The following USP11 variants were observed in gnomAD, a reference collection of about 807,000 sequenced individuals.
USP11 encodes ubiquitin carboxyl-terminal hydrolase 11.
In USP11, 5 loss-of-function variants were observed where a neutral mutation model predicts 72.8. The ratio of observed to expected loss-of-function variants is 0.07; its 90% CI spans 0.04 to 0.14. USP11 has a LOEUF of 0.14. USP11 is among the 10% of genes least tolerant of loss of function. USP11 has a pLI of 1.00. For synonymous variants in USP11, 368 were observed against 326.5 expected, an observed-to-expected ratio of 1.13 and a Z score of -1.37; for missense variants, 480 against 794.7, an observed-to-expected ratio of 0.60 and a Z score of 4.76.
At chrX:47,238,544 T>C (rs925617019) in intron 1 of USP11, among the ~76,000 whole-genome samples, 1 of 105,104 alleles carries the variant, frequency 9.5e-6, no homozygotes, top group African/African-American at 3.5e-5. Flanking sequence ...AACCTTATGA[T>C]TCTTTTTAGC....
intron 1 of USP11, among the ~76,000 whole-genome samples, chrX:47,235,801 G>C (rs1294404497): frequency 1.8e-5 from 2 of 111,297 alleles, no homozygotes; most frequent in Non-Finnish European, 3.8e-5. Context: ...AACCCAAGCC[G>C]TGTTTTTCTG....
rs1169513843 is a variant in USP11, at chrX:47,233,054, T to G, written c.11T>G (p.Val4Gly). ...AGAGAACGGACGGCGATGGCGACGG[T>G]CGCAGCAAATCCAGCTGCTGCTGCG... The part of the protein sequence containing the change: MAT[V>G]AANPAAAAAA... The change falls in exon 1 of 21, where the codon GTC (valine) becomes GGC (glycine). Residue 4 changes from valine (V) to glycine (G), a missense_variant. Val to Gly is a moderately radical substitution (Grantham distance 109, BLOSUM62 -3). Transcript: ENST00000377107. 8.3e-7 allele frequency: 1 copy of G among 1,208,613 alleles called. No individual in the cohort carries two copies. The highest frequency in any genetic ancestry group is 3.0e-5 in the East Asian group (1 of 33,773).
rs2055437083 is a variant in USP11, at chrX:47,246,987, C to G, written c.2271-85C>G. 2.7e-6 allele frequency: 3 copies of G among 1,097,151 alleles called. No individual in the cohort carries two copies. In the African/African-American group the frequency reaches 5.7e-5, roughly 21 times the overall value. The allele number at this position is 1,097,151 out of a possible 1,213,427, so 90.4% of individuals were successfully genotyped here. A position where few individuals can be genotyped will look rare whatever the true frequency, so the allele number is the denominator to read the frequency against. Reference sequence around the variant, plus strand: ...AGTGATCCGAGATCGCGCCACTGTACTCCAGCCTGGGCAACAGAGCGATTC... The same window carrying G: ...AGTGATCCGAGATCGCGCCACTGTAGTCCAGCCTGGGCAACAGAGCGATTC... On this transcript the variant is annotated intron_variant, in intron 17 of 20. Coordinates refer to ENST00000377107, the MANE Select transcript of USP11 (RefSeq NM_001371072.1).
rs1374983749 is a variant in USP11, at chrX:47,248,072, G to C, written c.*142G>C. 4 of 892,834 alleles carry C rather than the reference G, an allele frequency of 4.5e-6. No homozygotes were observed. The highest frequency in any genetic ancestry group is 6.0e-6 in the Non-Finnish European group (4 of 663,811). The allele number at this position is 892,834 out of a possible 1,213,427, so 73.6% of individuals were successfully genotyped here. On this transcript the variant is annotated 3_prime_UTR_variant, in exon 21 of 21. Transcript: ENST00000377107. Reference sequence around the variant, plus strand: ...TTAGTCGTGGCTACTGTTCTCCTGTGCCGCTGCATCGCTCTCTCCCGGGAA... The same window carrying C: ...TTAGTCGTGGCTACTGTTCTCCTGTCCCGCTGCATCGCTCTCTCCCGGGAA...
chrX:47,236,333 A>G (rs2055371822), intron 1 of USP11, among the ~76,000 whole-genome samples: 1 of 112,398 alleles, frequency 8.9e-6, no homozygotes, highest in African/African-American at 3.2e-5. Context: ...TCCATTTTAC[A>G]GGGGTTTGCT....
At chrX:47,245,616 C>G in intron 17 of USP11, 134 bp downstream of exon 17, 2 of 429,247 alleles carry the variant, frequency 4.7e-6, no homozygotes, top group Non-Finnish European at 7.9e-6. Flanking sequence ...ACAATCTCGG[C>G]TCAGTGCAAC....
Position 47,239,166 on chromosome X carries a change from C to T in USP11, c.273C>T (p.Ala91=). The T allele has an allele frequency of 9.9e-6, 12 of 1,207,614 alleles. No individual in the cohort carries two copies. Among genetic ancestry groups the T allele is most frequent in the Non-Finnish European group, 1.3e-5 (12 of 893,332 alleles). Residue 91 remains alanine (A), a synonymous_variant, in exon 2 of 21, where the codon GCC becomes GCT. Transcript: ENST00000377107. The stretch of plus-strand genomic sequence containing the variant: ...CCTTCCCTGGCTGCATCAACAATGC[C>T]ACACTCTTTCAAGGTACAAGGCCTT... ...SSTFPGCINN[A]TLFQDEINWR... is the part of the protein sequence containing the mutation.
chrX:47,242,251 A>G lies in USP11; in HGVS notation c.1349A>G (p.Lys450Arg). The G allele has an allele frequency of 8.3e-6, 10 of 1,212,012 alleles. No individual in the cohort carries two copies. Among genetic ancestry groups the G allele is most frequent in the Non-Finnish European group, 8.9e-6 (8 of 895,540 alleles). The change falls in exon 10 of 21, where the codon AAG becomes AGG. Residue 450 changes from lysine to arginine, a missense_variant. Transcript: ENST00000377107. ...YLSVPLPISH[K>R]RVLEVFFIPM... ...AGTGTTCCACTGCCTATCAGCCACAAGAGGGTCTTGGAGGTCTTCTTTATC... is the reference window on the plus strand; with the variant it reads ...AGTGTTCCACTGCCTATCAGCCACAGGAGGGTCTTGGAGGTCTTCTTTATC...
At chrX:47,240,243 C>T (rs1371491559) in intron 4 of USP11, 62 bp from the exon 5 acceptor site, 30 of 1,178,599 alleles carry the variant, frequency 2.5e-5, no homozygotes, top group Non-Finnish European at 3.4e-5. Context: ...CAGGTATGCC[C>T]AGATGGATTG....
chrX:47,239,507 G>A (rs372155639), intron 3 of USP11, 26 bp downstream of exon 3: 8 of 1,208,523 alleles, frequency 6.6e-6, no homozygotes, highest in Non-Finnish European at 8.9e-6. Flanking sequence ...AGGGTGCATG[G>A]CGGGGAGTGC....
chrX:47,233,523 C>T (rs188004415), intron 1 of USP11: 613 of 930,485 alleles, frequency 6.6e-4, no homozygotes, highest in Admixed American at 1.2e-3. Flanking sequence ...GCGTAGGAAC[C>T]TGGGAAGAAG....
In USP11 at chrX:47,239,337, C is replaced by A. The variant is rs763228759; in HGVS notation, c.287-14C>A. 4 of 1,207,162 alleles carry A rather than the reference C, an allele frequency of 3.3e-6. No individual in the cohort carries two copies. In the African/African-American group the frequency reaches 7.0e-5, roughly 21 times the overall value. ...GTTGATTCTTCCTCTGCCACCTCCACCCCCGCCCCACAGATGAGATAAACT... is the reference window on the plus strand; with the variant it reads ...GTTGATTCTTCCTCTGCCACCTCCAACCCCGCCCCACAGATGAGATAAACT... On this transcript the variant is annotated splice_polypyrimidine_tract_variant and intron_variant, in intron 2 of 20. Coordinates refer to ENST00000377107, the MANE Select transcript of USP11 (RefSeq NM_001371072.1).
intron 1 of USP11, among the ~76,000 whole-genome samples, chrX:47,238,694 C>G (rs2055387526): frequency 9.0e-6 from 1 of 110,660 alleles, no homozygotes; most frequent in South Asian, 3.7e-4. Flanking sequence ...ATAAAATTAG[C>G]TGCAGATGGC....
chrX:47,247,219 C>G lies in USP11; in HGVS notation c.2418C>G (p.Ile806Met). 8.3e-7 allele frequency: 1 copy of G among 1,210,743 alleles called. No individual in the cohort carries two copies. Among genetic ancestry groups the G allele is most frequent in the Non-Finnish European group, 1.1e-6 (1 of 895,266 alleles). The change falls in exon 18 of 21, where the codon ATC (isoleucine) becomes ATG (methionine). Residue 806 changes from isoleucine to methionine, a missense_variant and splice_region_variant. Coordinates refer to ENST00000377107, the MANE Select transcript of USP11 (RefSeq NM_001371072.1). ...EKLDTLVEFP[I>M]RDLDFSEFVI... The stretch of plus-strand genomic sequence containing the variant: ...TGGACACCCTCGTGGAGTTTCCTAT[C>G]CGGTCAGGGGCCAGGGAGAGGATGG...
At chrX:47,235,640 A>G (rs1730990726) in intron 1 of USP11, among the ~76,000 whole-genome samples, 1 of 109,226 alleles carries the variant, frequency 9.2e-6, no homozygotes. Flanking sequence ...GGCCGGCCAT[A>G]TTGGACTCTT....
chrX:47,236,006 C>T (rs771745512), intron 1 of USP11, among the ~76,000 whole-genome samples: 1 of 111,753 alleles, frequency 8.9e-6, no homozygotes, highest in South Asian at 3.7e-4. Flanking sequence ...CTTGATAATA[C>T]GCTTTAAAAT....
At position 47,233,112 on chromosome X, in the gene USP11, G is replaced by A. The variant is rs2055352994; in HGVS notation, c.69G>A (p.Glu23=). The change falls in exon 1 of 21, where the codon GAG becomes GAA. Residue 23 remains glutamate, a synonymous_variant. Coordinates refer to ENST00000377107, the MANE Select transcript of USP11 (RefSeq NM_001371072.1). ...TGGCGGCGGCAGCGGCGGTGACTGA[G>A]GATAGAGAGCCACAGCACGAGGAGC... The part of the protein sequence containing the change: ...AAVAAAAAVT[E]DREPQHEELP... 1 of 1,199,815 alleles carries A rather than the reference G, an allele frequency of 8.3e-7. No homozygotes were observed.
Position 47,239,805 on chromosome X carries a change from A to C in USP11, c.433A>C (p.Asn145His). ...ACTCTTACAGGTCATAGAGCTGCCC[A>C]ACATCCAGAAGGTCGAAGTGTACCC... ...PIERKVIELP[N>H]IQKVEVYPVE... The change falls in exon 4 of 21, where the codon AAC becomes CAC. Residue 145 changes from asparagine (N) to histidine (H), a missense_variant. By Grantham distance (68) the Asn-to-His change is moderately conservative (BLOSUM62 1). Coordinates refer to ENST00000377107, the MANE Select transcript of USP11 (RefSeq NM_001371072.1). 1 of 1,211,803 alleles carries C rather than the reference A, an allele frequency of 8.3e-7. No individual in the cohort carries two copies. Among genetic ancestry groups the C allele is most frequent in the Non-Finnish European group, 1.1e-6 (1 of 895,475 alleles).
At chrX:47,244,212 C>T (rs1478029767) in intron 13 of USP11, among the ~76,000 whole-genome samples, 3 of 107,820 alleles carry the variant, frequency 2.8e-5, no homozygotes, top group African/African-American at 1.0e-4. Context: ...GATTCTCCTG[C>T]CTCAGCCTCC....
Sources: gnomAD v4.1 joint callset for allele counts (sites outside exome capture counted in the v4.1 genomes callset) on GRCh38, gnomAD v4.1.1 for gene constraint, MANE v1.5 for transcripts, NCBI Gene and HGNC (gene_info 2026-07-23, HGNC 2026-07-21) for gene names.